COL13A1: variants seen among roughly 807,000 people sequenced by gnomAD.
COL13A1 encodes collagen alpha-1(XIII) chain.
A neutral mutation model predicts 130.9 loss-of-function variants in COL13A1; 89 were observed. The observed-to-expected ratio is 0.68, with a 90% confidence interval of 0.57 to 0.81. COL13A1 has a LOEUF of 0.81. COL13A1 is among the 30% of genes least tolerant of loss of function. The pLI, the probability that COL13A1 is intolerant of heterozygous loss-of-function variation, is 0.00. For missense variants in COL13A1, 879 were observed against 934.6 expected (o/e 0.94, Z 0.78); for synonymous variants, 402 against 341.6 (o/e 1.18, Z -1.95).
intron 2 of COL13A1, among the ~76,000 whole-genome samples, chr10:69,856,705 G>T (rs1286804037): frequency 6.6e-6 from 1 of 152,232 alleles, no homozygotes; most frequent in African/African-American, 2.4e-5. Context: ...TTTGGATGTG[G>T]AGAAGGGAGC....
chr10:69,914,163 G>A (rs2063674789), intron 17 of COL13A1, among the ~76,000 whole-genome samples: 1 of 152,178 alleles, frequency 6.6e-6, no homozygotes, highest in African/African-American at 2.4e-5. Context: ...AGACAAGCTT[G>A]AAGCAGACAC....
At chr10:69,862,376 G>A (rs939485377) in intron 2 of COL13A1, among the ~76,000 whole-genome samples, 5 of 152,136 alleles carry the variant, frequency 3.3e-5, no homozygotes, top group East Asian at 1.9e-4. Context: ...CCATGCTCCC[G>A]GGACATCAAA....
chr10:69,956,776 C>A, intron 39 of COL13A1: 1 of 527,756 alleles, frequency 1.9e-6, no homozygotes, highest in South Asian at 2.2e-5. Context: ...CCCCTATTGA[C>A]GTTGCACTAT....
At chr10:69,893,479 C>A (rs180894710) in intron 10 of COL13A1, among the ~76,000 whole-genome samples, 49 of 152,318 alleles carry the variant, frequency 3.2e-4, no homozygotes, top group Admixed American at 2.2e-3. Flanking sequence ...TGGAGGTGGC[C>A]CTGTTGGCAA....
intron 1 of COL13A1, among the ~76,000 whole-genome samples, chr10:69,821,731 G>T (rs1846123608): frequency 6.6e-6 from 1 of 152,188 alleles, no homozygotes. Context: ...GGGGAATCCT[G>T]CATGCATGGT....
chr10:69,949,738 A>G (rs1367649751), intron 38 of COL13A1, among the ~76,000 whole-genome samples: 2 of 152,190 alleles, frequency 1.3e-5, no homozygotes, highest in East Asian at 3.8e-4. Flanking sequence ...CCCGGGAGCC[A>G]CCTTTAGGGT....
Position 69,871,123 on chromosome 10 carries a change from C to T in COL13A1, c.373-1061C>T, listed in dbSNP as rs528260959. Among the ~76,000 whole-genome samples, 217 of 152,210 alleles carry T rather than the reference C, an allele frequency of 1.4e-3. 2 individuals are homozygous for T. The highest frequency in any genetic ancestry group is 5.1e-3 in the African/African-American group (213 of 41,526). On this transcript the variant is annotated intron_variant, in intron 3 of 40. Coordinates refer to ENST00000645393, the MANE Select transcript of COL13A1 (RefSeq NM_001368882.1). ...GATGGGAGGTCACTACCCCACTTCT[C>T]AGCCCACTCTGTGACATTAGGGGAC...
At chr10:69,952,053 A>C (rs1266695590) in intron 38 of COL13A1, among the ~76,000 whole-genome samples, 1 of 152,264 alleles carries the variant, frequency 6.6e-6, no homozygotes, top group Non-Finnish European at 1.5e-5. Context: ...TCAATTTAGA[A>C]AAATGATGTT....
intron 36 of COL13A1, 33 bp downstream of exon 36, chr10:69,944,211 CAGGAGGGAG>C (rs1205514661): frequency 1.1e-5 from 17 of 1,603,372 alleles, no homozygotes; most frequent in Non-Finnish European, 1.3e-5. Flanking sequence ...CCTGGGCGGC[CAGGAGGGAG>C]AGGCATGCCT....
chr10:69,809,420 A>T (rs745734870), intron 1 of COL13A1, among the ~76,000 whole-genome samples: 3 of 152,272 alleles, frequency 2.0e-5, no homozygotes, highest in Non-Finnish European at 4.4e-5. Flanking sequence ...AGACCTTTAC[A>T]TCTATTGATT....
At chr10:69,898,164 CA>C (rs892605509) in intron 13 of COL13A1, among the ~76,000 whole-genome samples, 28 of 152,076 alleles carry the variant, frequency 1.8e-4, no homozygotes, top group African/African-American at 6.5e-4. Flanking sequence ...CTTGCTCAAC[CA>C]AAAAAAGAAC....
At chr10:69,866,468 T>A (rs566844799) in intron 2 of COL13A1, among the ~76,000 whole-genome samples, 1 of 152,172 alleles carries the variant, frequency 6.6e-6, no homozygotes. Context: ...GGCACAGATT[T>A]CCCAGCTAAG....
chr10:69,933,663 G>A (rs996369656), intron 31 of COL13A1, among the ~76,000 whole-genome samples: 4 of 152,142 alleles, frequency 2.6e-5, no homozygotes, highest in Non-Finnish European at 5.9e-5. Context: ...TACTTGTTTC[G>A]AAATGGATAG....
At chr10:69,874,574 T>A (rs2134145306) in intron 4 of COL13A1, among the ~76,000 whole-genome samples, 1 of 152,264 alleles carries the variant, frequency 6.6e-6, no homozygotes, top group Middle Eastern at 3.4e-3. Flanking sequence ...GTCCTTCCTG[T>A]CAGTACTGGA....
chr10:69,930,577 TC>T, intron 30 of COL13A1, 25 bp downstream of exon 30: 1 of 1,608,186 alleles, frequency 6.2e-7, no homozygotes, highest in South Asian at 1.1e-5. Context: ...TGGCTGCCCT[TC>T]CGTGCATACA....
intron 7 of COL13A1, among the ~76,000 whole-genome samples, chr10:69,883,154 G>A (rs1052141844): frequency 2.6e-5 from 4 of 152,224 alleles, no homozygotes; most frequent in Admixed American, 6.5e-5. Flanking sequence ...GCACTTTGGA[G>A]GAGGGTTCAC....
At chr10:69,858,115 CAAAAA>C (rs573668102) in intron 2 of COL13A1, among the ~76,000 whole-genome samples, 2 of 80,384 alleles carry the variant, frequency 2.5e-5, no homozygotes, top group African/African-American at 5.0e-5. Context: ...GACTCCGTCT[CAAAAA>C]AAAAAAAAAA....
At chr10:69,802,751 C>G (rs548402666) in intron 1 of COL13A1, 34 bp downstream of exon 1, 1 of 1,605,460 alleles carries the variant, frequency 6.2e-7, no homozygotes, top group African/African-American at 1.4e-5. Flanking sequence ...TTTATCCCTC[C>G]CCGCGGCGCC....
In COL13A1 at chr10:69,907,673, C is replaced by A. The variant is rs1486597930; in HGVS notation, c.921+1851C>A. 2.0e-5 allele frequency among the ~76,000 whole-genome samples: 3 copies of A among 152,082 alleles called. 1 individual carries two copies. Among genetic ancestry groups the A allele is most frequent in the Non-Finnish European group, 4.4e-5 (3 of 68,012 alleles). ...TCTCATGATGACTAACCCACCCCCACAATAACTAACCCACTCTCACAATAA... is the reference window on the plus strand; with the variant it reads ...TCTCATGATGACTAACCCACCCCCAAAATAACTAACCCACTCTCACAATAA... On this transcript the variant is annotated intron_variant, in intron 17 of 40. Transcript: ENST00000645393.
Sources: gnomAD v4.1 joint callset for allele counts (sites outside exome capture counted in the v4.1 genomes callset) on GRCh38, gnomAD v4.1.1 for gene constraint, MANE v1.5 for transcripts, NCBI Gene and HGNC (gene_info 2026-07-23, HGNC 2026-07-21) for gene names.